BCKDHB: variants seen among roughly 807,000 people sequenced by gnomAD.
BCKDHB encodes the protein 2-oxoisovalerate dehydrogenase subunit beta, mitochondrial.
Under a neutral mutation model 48.5 loss-of-function variants are expected in BCKDHB, and 41 were observed. The ratio of observed to expected loss-of-function variants is 0.85; its 90% CI spans 0.66 to 1.10. The LOEUF is 1.10. Ranked by LOEUF, BCKDHB falls within the 50% of genes least tolerant of loss-of-function variation. The pLI, the probability that BCKDHB is intolerant of heterozygous loss-of-function variation, is 0.00. For synonymous variants in BCKDHB, 201 were observed against 174.8 expected (o/e 1.15, Z -1.18); for missense variants, 496 against 494.2 (o/e 1.00, Z -0.03).
chr6:80,298,880 A>G (rs898084921), intron 9 of BCKDHB, among the ~76,000 whole-genome samples: 2 of 152,220 alleles, frequency 1.3e-5, no homozygotes, highest in African/African-American at 4.8e-5. Flanking sequence ...CTTTTCTGGC[A>G]GTCCCATCAG....
intron 8 of BCKDHB, among the ~76,000 whole-genome samples, chr6:80,208,067 G>A (rs999195996): frequency 2.0e-5 from 3 of 151,766 alleles, no homozygotes; most frequent in African/African-American, 7.2e-5. Flanking sequence ...GTCAAAATTG[G>A]CCAAATGCTG....
the BCKDHB span, among the ~76,000 whole-genome samples, chr6:80,393,466 G>C: frequency 6.6e-6 from 1 of 152,118 alleles, no homozygotes; most frequent in Non-Finnish European, 1.5e-5. Flanking sequence ...TTCCACATGT[G>C]AGCATACAGC....
chr6:80,109,189 G>A (rs1769286885), intron 1 of BCKDHB, among the ~76,000 whole-genome samples: 1 of 152,090 alleles, frequency 6.6e-6, no homozygotes, highest in Non-Finnish European at 1.5e-5. Flanking sequence ...CTTATCCTCT[G>A]TAAGCCTCAG....
At chr6:80,459,583 C>T in the BCKDHB span, among the ~76,000 whole-genome samples, 1 of 151,944 alleles carries the variant, frequency 6.6e-6, no homozygotes, top group Non-Finnish European at 1.5e-5. Flanking sequence ...CAACAATGTA[C>T]TGTATGCTTA....
intron 1 of BCKDHB, among the ~76,000 whole-genome samples, chr6:80,112,652 A>AT (rs1769471754): frequency 6.6e-6 from 1 of 152,184 alleles, no homozygotes; most frequent in African/African-American, 2.4e-5. Context: ...AGACTGTCCC[A>AT]TTGTCACCTG....
At chr6:80,112,323 T>C (rs1448744986) in intron 1 of BCKDHB, among the ~76,000 whole-genome samples, 1 of 152,144 alleles carries the variant, frequency 6.6e-6, no homozygotes, top group Non-Finnish European at 1.5e-5. Context: ...GCAGTTTCCA[T>C]GGTAGTTTGA....
the BCKDHB span, among the ~76,000 whole-genome samples, chr6:80,380,623 C>T: frequency 6.6e-6 from 1 of 151,708 alleles, no homozygotes; most frequent in Non-Finnish European, 1.5e-5. Flanking sequence ...CAGCAAGAGA[C>T]ATAATCAACA....
intron 8 of BCKDHB, among the ~76,000 whole-genome samples, chr6:80,263,649 A>G (rs531359475): frequency 6.6e-6 from 1 of 152,288 alleles, no homozygotes; most frequent in East Asian, 1.9e-4. Context: ...CCATTTATCC[A>G]TGGTGATACA....
chr6:80,200,240 A>C (rs898733653), intron 6 of BCKDHB, among the ~76,000 whole-genome samples: 1 of 152,108 alleles, frequency 6.6e-6, no homozygotes, highest in Non-Finnish European at 1.5e-5. Context: ...GTTTTCTCTC[A>C]GATACCAGTG....
intron 1 of BCKDHB, among the ~76,000 whole-genome samples, chr6:80,107,170 G>T (rs1394087866): frequency 6.6e-6 from 1 of 151,772 alleles, no homozygotes; most frequent in African/African-American, 2.4e-5. Flanking sequence ...TGGAGGGGTG[G>T]TGCCCAGGGA....
At chr6:80,466,423 A>T in the BCKDHB span, among the ~76,000 whole-genome samples, 1 of 152,174 alleles carries the variant, frequency 6.6e-6, no homozygotes, top group Admixed American at 6.5e-5. Context: ...GAGGTAAGTA[A>T]ATGCTGACAC....
chr6:80,429,053 G>A, the BCKDHB span, among the ~76,000 whole-genome samples: 1 of 152,270 alleles, frequency 6.6e-6, no homozygotes, highest in South Asian at 2.1e-4. Flanking sequence ...TTTGTATAAG[G>A]TGTAAGGGAG....
At chr6:80,315,879 G>T (rs1768421181) in intron 9 of BCKDHB, among the ~76,000 whole-genome samples, 3 of 152,166 alleles carry the variant, frequency 2.0e-5, no homozygotes, top group African/African-American at 7.2e-5. Flanking sequence ...ACCACAATAT[G>T]TGGCATATAG....
At chr6:80,374,244 A>G in the BCKDHB span, 2 of 757,642 alleles carry the variant, frequency 2.6e-6, no homozygotes, top group Non-Finnish European at 4.8e-6. Flanking sequence ...CAGAGAGTCT[A>G]CATCTAAACC....
At chr6:80,246,059 G>C (rs1582432698) in intron 8 of BCKDHB, among the ~76,000 whole-genome samples, 1 of 152,184 alleles carries the variant, frequency 6.6e-6, no homozygotes, top group African/African-American at 2.4e-5. Flanking sequence ...GTGTGTGACA[G>C]AGTGAGACCC....
chr6:80,183,143 T>C (rs1161036129), intron 6 of BCKDHB, among the ~76,000 whole-genome samples: 1 of 152,134 alleles, frequency 6.6e-6, no homozygotes, highest in Non-Finnish European at 1.5e-5. Flanking sequence ...CTGTATCTCT[T>C]AATCCCTTTC....
At chr6:80,108,691 C>A (rs1190673410) in intron 1 of BCKDHB, among the ~76,000 whole-genome samples, 1 of 152,024 alleles carries the variant, frequency 6.6e-6, no homozygotes, top group Admixed American at 6.6e-5. Flanking sequence ...GAAACCCGGT[C>A]TCTACCAAAA....
chr6:80,351,528 G>T, the BCKDHB span, among the ~76,000 whole-genome samples: 1 of 152,000 alleles, frequency 6.6e-6, no homozygotes, highest in East Asian at 1.9e-4. Context: ...CTGGGCAGTC[G>T]TAGGACACCA....
intron 3 of BCKDHB, among the ~76,000 whole-genome samples, chr6:80,150,311 A>G (rs971947875): frequency 6.6e-6 from 1 of 152,156 alleles, no homozygotes; most frequent in Non-Finnish European, 1.5e-5. Context: ...TATATATAAT[A>G]TTCACCTTCT....
Sources: gnomAD v4.1 joint callset for allele counts (sites outside exome capture counted in the v4.1 genomes callset) on GRCh38, gnomAD v4.1.1 for gene constraint, MANE v1.5 for transcripts, NCBI Gene and HGNC (gene_info 2026-07-23, HGNC 2026-07-21) for gene names.